OSBP: variants seen among roughly 807,000 people sequenced by gnomAD.
OSBP encodes the protein oxysterol binding protein, also known as oxysterol-binding protein 1.
A neutral mutation model predicts 96.6 loss-of-function variants in OSBP; 32 were observed. The observed-to-expected ratio is 0.33, with a 90% confidence interval of 0.25 to 0.45. The LOEUF (loss-of-function observed/expected upper bound fraction) is 0.45. OSBP is among the 20% of genes least tolerant of loss of function. The pLI is 1.00. For missense variants in OSBP, 653 were observed against 1,029.7 expected (o/e 0.63, Z 5.01); for synonymous variants, 369 against 389.6 (o/e 0.95, Z 0.62).
At chr11:59,583,263 G>GATC (rs1333326941) in intron 9 of OSBP, among the ~76,000 whole-genome samples, 1 of 152,228 alleles carries the variant, frequency 6.6e-6, no homozygotes, top group African/African-American at 2.4e-5. Flanking sequence ...AGTGAGCCAA[G>GATC]ATCACATCAC....
At chr11:59,609,760 T>A (rs1182537046) in intron 2 of OSBP, among the ~76,000 whole-genome samples, 1 of 152,174 alleles carries the variant, frequency 6.6e-6, no homozygotes, top group Non-Finnish European at 1.5e-5. Context: ...AATCAAAACT[T>A]AACTTGATTG....
At chr11:59,602,095 G>T (rs913321566) in intron 3 of OSBP, among the ~76,000 whole-genome samples, 3 of 152,174 alleles carry the variant, frequency 2.0e-5, no homozygotes, top group African/African-American at 7.2e-5. Context: ...AATGCCAAGT[G>T]AGCAGTAAAC....
chr11:59,581,515 T>C lies in OSBP; in HGVS notation c.1718A>G (p.Tyr573Cys). ...HCIFHATGHH[Y>C]TWKKVTTTVH... ...AGTTGTGGTAACTTTCTTCCAAGTG[T>C]AGTGGTGCCCAGTTGCATGGAAAAT... The change falls in exon 10 of 14, where the codon TAC (tyrosine) becomes TGC (cysteine). Residue 573 changes from tyrosine (Y) to cysteine (C), a missense_variant. By Grantham distance (194) the Tyr-to-Cys change is radical (BLOSUM62 -2). Transcript: ENST00000263847. The C allele has an allele frequency of 1.2e-6, 2 of 1,612,848 alleles. No homozygotes were observed. The highest frequency in any genetic ancestry group is 8.5e-7 in the Non-Finnish European group (1 of 1,178,952).
At chr11:59,599,996 T>C (rs964251197) in intron 7 of OSBP, among the ~76,000 whole-genome samples, 1 of 152,186 alleles carries the variant, frequency 6.6e-6, no homozygotes, top group Non-Finnish European at 1.5e-5. Flanking sequence ...GTAGACAGAC[T>C]GGAGGAAGAC....
chr11:59,609,183 T>A (rs1860816388), intron 2 of OSBP, among the ~76,000 whole-genome samples: 1 of 152,186 alleles, frequency 6.6e-6, no homozygotes, highest in African/African-American at 2.4e-5. Flanking sequence ...AACTCCACTA[T>A]CATCTGATAG....
intron 11 of OSBP, among the ~76,000 whole-genome samples, chr11:59,579,393 G>A (rs1232500281): frequency 2.6e-5 from 4 of 151,094 alleles, no homozygotes; most frequent in African/African-American, 9.8e-5. Flanking sequence ...GAGTGCAATG[G>A]CGTGATCTCG....
intron 1 of OSBP, among the ~76,000 whole-genome samples, chr11:59,614,061 T>C (rs1315082433): frequency 6.6e-6 from 1 of 152,238 alleles, no homozygotes; most frequent in African/African-American, 2.4e-5. Flanking sequence ...AATTGGAATG[T>C]CATTAAGCAA....
intron 2 of OSBP, among the ~76,000 whole-genome samples, chr11:59,609,019 C>A (rs2134675945): frequency 6.6e-6 from 1 of 152,318 alleles, no homozygotes; most frequent in African/African-American, 2.4e-5. Flanking sequence ...TTCTAATAAG[C>A]TGCCCAGGTA....
chr11:59,579,553 G>A (rs977812944), intron 11 of OSBP, among the ~76,000 whole-genome samples: 9 of 151,588 alleles, frequency 5.9e-5, no homozygotes, highest in Middle Eastern at 6.8e-3. Flanking sequence ...GGCTGGTCTC[G>A]AACTCCCGAC....
chr11:59,580,311 T>C, intron 10 of OSBP, 42 bp from the exon 11 acceptor site: 1 of 1,217,316 alleles, frequency 8.2e-7, no homozygotes, highest in Non-Finnish European at 1.2e-6. Context: ...ACTGGATAAA[T>C]TCAATGTCTG....
In OSBP at chr11:59,589,112, G is replaced by A. The variant is rs1484133711; in HGVS notation, c.1678+4492C>T. Among the ~76,000 whole-genome samples the A allele has an allele frequency of 1.3e-5, 2 of 149,582 alleles. 1 individual carries two copies. Among genetic ancestry groups the A allele is most frequent in the Non-Finnish European group, 3.0e-5 (2 of 67,528 alleles). On this transcript the variant is annotated intron_variant, in intron 9 of 13. Transcript: ENST00000263847. The stretch of plus-strand genomic sequence containing the variant: ...GCCAGAAGGCAGTGGGATAATATAT[G>A]CAAAATGCTGAAAGCAAAAGACTGC...
At chr11:59,603,277 G>A (rs1860743170) in intron 3 of OSBP, among the ~76,000 whole-genome samples, 1 of 152,128 alleles carries the variant, frequency 6.6e-6, no homozygotes, top group Non-Finnish European at 1.5e-5. Flanking sequence ...GATAAAGTTT[G>A]CTTAATAAAT....
chr11:59,584,947 G>T (rs1032225764), intron 9 of OSBP, among the ~76,000 whole-genome samples: 1 of 152,206 alleles, frequency 6.6e-6, no homozygotes, highest in African/African-American at 2.4e-5. Context: ...GCTCAATGGT[G>T]CCCAGGCTGG....
In OSBP at chr11:59,600,595, T is replaced by C; in HGVS notation, c.1212A>G (p.Glu404=). The C allele has an allele frequency of 1.2e-6, 2 of 1,614,094 alleles. No individual in the cohort carries two copies. The highest frequency in any genetic ancestry group is 1.1e-5 in the South Asian group (1 of 91,076). The part of the protein sequence containing the change: ...YKHQLEETKK[E]KRTRIPYKPN... ...GCTTGTATGGTATTCTGGTTCTCTT[T>C]TCCTTTTTGGTCTCCTCCAGCTGAT... The change falls in exon 7 of 14, where the codon GAA becomes GAG. Residue 404 remains glutamate (E), a synonymous_variant. Coordinates refer to ENST00000263847, the MANE Select transcript of OSBP (RefSeq NM_002556.3).
chr11:59,578,955 A>G (rs1860389604), intron 11 of OSBP, among the ~76,000 whole-genome samples: 1 of 152,208 alleles, frequency 6.6e-6, no homozygotes, highest in African/African-American at 2.4e-5. Context: ...TAGTTATTTT[A>G]AAATGTACAA....
At chr11:59,586,549 A>G (rs953124700) in intron 9 of OSBP, among the ~76,000 whole-genome samples, 9 of 152,236 alleles carry the variant, frequency 5.9e-5, no homozygotes, top group Admixed American at 4.6e-4. Flanking sequence ...AGAAATAGAA[A>G]AACCTATCCT....
At chr11:59,585,447 C>T (rs1250502760) in intron 9 of OSBP, among the ~76,000 whole-genome samples, 6 of 151,754 alleles carry the variant, frequency 4.0e-5, no homozygotes, top group African/African-American at 1.5e-4. Context: ...GCAGCCGCCC[C>T]GTCTGAGAAG....
At chr11:59,608,799 A>G in intron 2 of OSBP, 65 bp from the exon 3 acceptor site, 1 of 1,522,396 alleles carries the variant, frequency 6.6e-7, no homozygotes, top group South Asian at 1.1e-5. Flanking sequence ...AACCCTACCT[A>G]CTCTGTCCAG....
In OSBP at chr11:59,608,440, G is replaced by A. The variant is rs371282852; in HGVS notation, c.822+44C>T. 6 of 1,612,098 alleles carry A rather than the reference G, an allele frequency of 3.7e-6. No individual in the cohort carries two copies. In the Middle Eastern group the frequency reaches 8.3e-4, roughly 222 times the overall value. On this transcript the variant is annotated intron_variant, in intron 3 of 13. Transcript: ENST00000263847. ...CATTTGGGGAGAATTATGTTTCAAA[G>A]AGGGAATGAATCAAAAAGCAACACA... is the stretch of plus-strand genomic sequence containing the variant.
Sources: gnomAD v4.1 joint callset for allele counts (sites outside exome capture counted in the v4.1 genomes callset) on GRCh38, gnomAD v4.1.1 for gene constraint, MANE v1.5 for transcripts, NCBI Gene and HGNC (gene_info 2026-07-23, HGNC 2026-07-21) for gene names.